Variants in MCUB observed in about 807,000 individuals in gnomAD.
MCUB encodes the protein mitochondrial calcium uniporter dominant negative subunit beta.
In MCUB, 46 loss-of-function variants were observed where a neutral mutation model predicts 41.4. That is an observed-to-expected ratio of 1.11 (90% confidence interval 0.88 to 1.42). MCUB has a LOEUF of 1.42. Ranked by LOEUF, MCUB falls within the 40% of genes most tolerant of loss-of-function variation. The pLI, the probability that MCUB is intolerant of heterozygous loss-of-function variation, is 0.00. For synonymous variants in MCUB, 148 were observed against 148.2 expected (o/e 1.00, Z 0.01); for missense variants, 403 against 404.9 (o/e 1.00, Z 0.04).
intron 1 of MCUB, among the ~76,000 whole-genome samples, chr4:109,604,716 T>TA (rs1727832391): frequency 6.6e-6 from 1 of 152,244 alleles, no homozygotes; most frequent in Non-Finnish European, 1.5e-5. Context: ...CGAGAGTTTT[T>TA]ATCATGAAAG....
At chr4:109,645,534 A>T (rs189588486) in intron 1 of MCUB, among the ~76,000 whole-genome samples, 2 of 151,354 alleles carry the variant, frequency 1.3e-5, no homozygotes, top group East Asian at 1.9e-4. Flanking sequence ...AAAACTTCCC[A>T]TGAGTTGATT....
intron 6 of MCUB, 191 bp downstream of exon 6, chr4:109,684,837 T>A (rs942641287): frequency 2.0e-6 from 1 of 504,900 alleles, no homozygotes; most frequent in African/African-American, 1.9e-5. Flanking sequence ...ATATAACTTC[T>A]TTGGAGAAGT....
At chr4:109,612,975 G>A (rs895180887) in intron 1 of MCUB, among the ~76,000 whole-genome samples, 6 of 151,992 alleles carry the variant, frequency 3.9e-5, no homozygotes, top group East Asian at 1.9e-4. Context: ...GTGTGGTGGC[G>A]GGCGTCTGTA....
In MCUB at chr4:109,612,897, G is replaced by A. The variant is rs538258053; in HGVS notation, c.100-46114G>A. The stretch of plus-strand genomic sequence containing the variant: ...CAAGGCGGGCGGATCACAAGGTCAG[G>A]AGATCAAGACCATCCTGGCTAACAC... On this transcript the variant is annotated intron_variant, in intron 1 of 7. Transcript: ENST00000394650. 2.0e-3 allele frequency among the ~76,000 whole-genome samples: 297 copies of A among 152,222 alleles called. 1 individual carries two copies. Among genetic ancestry groups the A allele is most frequent in the Non-Finnish European group, 3.4e-3 (230 of 68,022 alleles).
At chr4:109,679,842 C>T (rs1369875378) in intron 4 of MCUB, among the ~76,000 whole-genome samples, 1 of 151,942 alleles carries the variant, frequency 6.6e-6, no homozygotes, top group Non-Finnish European at 1.5e-5. Context: ...CTCTGTGTCA[C>T]CCAGGCTGGA....
intron 1 of MCUB, 28 bp from the exon 2 acceptor site, chr4:109,658,983 A>C (rs1729165826): frequency 7.6e-7 from 1 of 1,322,376 alleles, no homozygotes; most frequent in East Asian, 2.5e-5. Context: ...TTTTTTTAAA[A>C]AAACAAATTA....
chr4:109,613,112 GAAAA>G, intron 1 of MCUB, among the ~76,000 whole-genome samples: 1 of 150,082 alleles, frequency 6.7e-6, no homozygotes, highest in African/African-American at 2.4e-5. Flanking sequence ...TCTCAAAAAA[GAAAA>G]AAAAGAATAC....
At position 109,620,428 on chromosome 4, in the gene MCUB, G is replaced by A. The variant is rs529948825; in HGVS notation, c.100-38583G>A. ...TCAATTGTATCATAGAAGGATTTTA[G>A]TTGCCCCTCCCTTGACCCTAAAATG... On this transcript the variant is annotated intron_variant, in intron 1 of 7. Transcript: ENST00000394650. 8.6e-5 allele frequency among the ~76,000 whole-genome samples: 13 copies of A among 150,584 alleles called. No homozygotes were observed. The East Asian group carries it at 2.3e-3, about 27-fold the overall frequency.
intron 1 of MCUB, among the ~76,000 whole-genome samples, chr4:109,606,906 C>A (rs138129272): frequency 6.6e-6 from 1 of 152,094 alleles, no homozygotes; most frequent in South Asian, 2.1e-4. Flanking sequence ...GCCACCACGC[C>A]CAGCTAATTT....
intron 1 of MCUB, among the ~76,000 whole-genome samples, 178 bp downstream of exon 1, chr4:109,560,614 C>T (rs1726601299): frequency 6.6e-6 from 1 of 152,178 alleles, no homozygotes; most frequent in South Asian, 2.1e-4. Flanking sequence ...ACGTGGGTCA[C>T]GGAGGCCTGG....
At chr4:109,636,452 T>A (rs982747994) in intron 1 of MCUB, among the ~76,000 whole-genome samples, 2 of 151,924 alleles carry the variant, frequency 1.3e-5, no homozygotes, top group Non-Finnish European at 2.9e-5. Context: ...ACACCAACAT[T>A]TAAAGGATGA....
chr4:109,607,363 G>A (rs1727902848), intron 1 of MCUB, among the ~76,000 whole-genome samples: 1 of 151,732 alleles, frequency 6.6e-6, no homozygotes, highest in African/African-American at 2.4e-5. Flanking sequence ...GATTACAGGT[G>A]CTTGCCACCA....
chr4:109,574,545 G>A (rs552862758), intron 1 of MCUB, among the ~76,000 whole-genome samples: 6 of 152,292 alleles, frequency 3.9e-5, no homozygotes, highest in African/African-American at 1.2e-4. Context: ...CTTTTCCTCC[G>A]TCAGTGGCTC....
chr4:109,684,329 T>G, intron 5 of MCUB, 114 bp from the exon 6 acceptor site: 2 of 723,906 alleles, frequency 2.8e-6, no homozygotes, highest in Non-Finnish European at 4.5e-6. Flanking sequence ...CCCAGAGTGC[T>G]GAGATTACAG....
At chr4:109,563,221 C>T (rs1445401395) in intron 1 of MCUB, among the ~76,000 whole-genome samples, 5 of 152,082 alleles carry the variant, frequency 3.3e-5, no homozygotes, top group South Asian at 2.1e-4. Flanking sequence ...CTCCCTGATA[C>T]GATTTCATGT....
chr4:109,667,747 G>A (rs1729374532), intron 4 of MCUB, among the ~76,000 whole-genome samples: 1 of 150,342 alleles, frequency 6.7e-6, no homozygotes, highest in Non-Finnish European at 1.5e-5. Context: ...TATAAGTTCA[G>A]ATCTTATAGA....
chr4:109,602,754 G>A (rs537546696), intron 1 of MCUB, among the ~76,000 whole-genome samples: 2 of 152,266 alleles, frequency 1.3e-5, no homozygotes, highest in South Asian at 4.1e-4. Flanking sequence ...AATGTCATTG[G>A]CATTTTGATA....
chr4:109,605,725 A>G (rs1166671098), intron 1 of MCUB, among the ~76,000 whole-genome samples: 1 of 152,132 alleles, frequency 6.6e-6, no homozygotes, highest in Non-Finnish European at 1.5e-5. Flanking sequence ...TTGGGTGCAT[A>G]TGTATTTATA....
At chr4:109,570,052 A>G (rs1216208406) in intron 1 of MCUB, among the ~76,000 whole-genome samples, 3 of 152,142 alleles carry the variant, frequency 2.0e-5, no homozygotes, top group East Asian at 3.8e-4. Flanking sequence ...CACCCATACT[A>G]TTTCTGGTTA....
Sources: gnomAD v4.1 joint callset for allele counts (sites outside exome capture counted in the v4.1 genomes callset) on GRCh38, gnomAD v4.1.1 for gene constraint, MANE v1.5 for transcripts, NCBI Gene and HGNC (gene_info 2026-07-23, HGNC 2026-07-21) for gene names.